The following GLT1D1 variants were observed in gnomAD, a reference collection of about 807,000 sequenced individuals.
The protein encoded by GLT1D1 is glycosyltransferase 1 domain containing 1.
A neutral mutation model predicts 28.7 loss-of-function variants in GLT1D1; 21 were observed. That is an observed-to-expected ratio of 0.73 (90% confidence interval 0.52 to 1.05). The LOEUF is 1.05. GLT1D1 is among the 50% of genes least tolerant of loss of function. The pLI, the probability that GLT1D1 is intolerant of heterozygous loss-of-function variation, is 0.00. For missense variants in GLT1D1, 343 were observed against 330.6 expected (o/e 1.04, Z -0.29); for synonymous variants, 147 against 124.8 (o/e 1.18, Z -1.19).
intron 4 of GLT1D1, chr12:128,914,963 A>G (rs1434569737): frequency 1.3e-6 from 2 of 1,535,968 alleles, no homozygotes; most frequent in East Asian, 2.4e-5. Flanking sequence ...GCCGCTTTTA[A>G]CTGGAATACC....
chr12:128,858,656 G>A (rs1183391739), intron 1 of GLT1D1, among the ~76,000 whole-genome samples: 1 of 151,086 alleles, frequency 6.6e-6, no homozygotes, highest in Non-Finnish European at 1.5e-5. Context: ...GGGCAACAGA[G>A]GGGGACTCAG....
intron 7 of GLT1D1, among the ~76,000 whole-genome samples, chr12:128,967,275 G>A (rs1370755106): frequency 3.3e-5 from 5 of 152,162 alleles, no homozygotes; most frequent in South Asian, 2.1e-4. Flanking sequence ...TTCTTCAAAC[G>A]CTAATGGCTT....
intron 7 of GLT1D1, among the ~76,000 whole-genome samples, chr12:128,967,612 G>A (rs1256178156): frequency 6.6e-6 from 1 of 152,196 alleles, no homozygotes; most frequent in Non-Finnish European, 1.5e-5. Context: ...AAGCACTTAT[G>A]TTTAAGTGCT....
chr12:128,881,748 T>C (rs1423604282), intron 2 of GLT1D1, among the ~76,000 whole-genome samples: 1 of 150,372 alleles, frequency 6.7e-6, no homozygotes, highest in African/African-American at 2.4e-5. Flanking sequence ...TACTGCTGTA[T>C]CTGACTCTTG....
chr12:128,863,213 G>T (rs1181222314), intron 1 of GLT1D1, among the ~76,000 whole-genome samples: 1 of 152,144 alleles, frequency 6.6e-6, no homozygotes, highest in Non-Finnish European at 1.5e-5. Context: ...AAAAGGGTCT[G>T]ATCGAACACC....
chr12:128,873,915 CTT>C (rs1566090454), intron 1 of GLT1D1, among the ~76,000 whole-genome samples: 2 of 110,034 alleles, frequency 1.8e-5, no homozygotes, highest in African/African-American at 3.1e-5. Flanking sequence ...TTCTTTCTCT[CTT>C]TCTTTTTCTT....
At chr12:128,888,788 T>C (rs761070145) in intron 3 of GLT1D1, 44 bp downstream of exon 3, 2 of 1,293,096 alleles carry the variant, frequency 1.5e-6, no homozygotes, top group Non-Finnish European at 2.2e-6. Flanking sequence ...ATTTAAACTG[T>C]GTGAATTGAA....
intron 4 of GLT1D1, among the ~76,000 whole-genome samples, chr12:128,938,396 G>A (rs1874779636): frequency 6.6e-6 from 1 of 152,148 alleles, no homozygotes; most frequent in Admixed American, 6.5e-5. Context: ...ATTTTCTTAT[G>A]CATCCAAATT....
In GLT1D1 at chr12:128,939,711, G is replaced by A. The variant is rs191561387; in HGVS notation, c.376-5615G>A. ...AGTGGAAGGCGAAGGGGAAGTAGGC[G>A]CGTCTTACATGTCTGGGTCAGGAGG... is the stretch of plus-strand genomic sequence containing the variant. On this transcript the variant is annotated intron_variant, in intron 4 of 7. Coordinates refer to ENST00000281703, the MANE Select transcript of GLT1D1 (RefSeq NM_144669.3). Among the ~76,000 whole-genome samples the A allele has an allele frequency of 1.4e-3, 220 of 152,200 alleles. 1 individual carries two copies. Among genetic ancestry groups the A allele is most frequent in the African/African-American group, 5.1e-3 (212 of 41,492 alleles).
chr12:128,864,215 C>T (rs767468554), intron 1 of GLT1D1: 5 of 640,110 alleles, frequency 7.8e-6, no homozygotes, highest in South Asian at 1.7e-5. Flanking sequence ...TTGCAACCCA[C>T]GGGCACTCCG....
chr12:128,980,208 C>G (rs1273480015), intron 7 of GLT1D1, among the ~76,000 whole-genome samples: 1 of 152,216 alleles, frequency 6.6e-6, no homozygotes, highest in Non-Finnish European at 1.5e-5. Context: ...CACCCACACT[C>G]ACGTCACAGG....
In GLT1D1 at chr12:128,922,741, G is replaced by A. The variant is rs532576299; in HGVS notation, c.376-22585G>A. On this transcript the variant is annotated intron_variant, in intron 4 of 7. Transcript: ENST00000281703. The stretch of plus-strand genomic sequence containing the variant: ...AGTTTGAGCCCAGCCTGGCCAACAT[G>A]GTGAAACCTCATCTGTACCAAAAAT... Among the ~76,000 whole-genome samples the A allele has an allele frequency of 5.9e-5, 9 of 152,126 alleles. No homozygotes were observed. The East Asian group carries it at 1.7e-3, about 29-fold the overall frequency.
intron 1 of GLT1D1, chr12:128,864,028 A>T: frequency 2.2e-6 from 1 of 460,906 alleles, no homozygotes; most frequent in Non-Finnish European, 3.9e-6. Context: ...GCGGGGAGAG[A>T]AGAGCACTAG....
intron 7 of GLT1D1, among the ~76,000 whole-genome samples, chr12:128,971,443 T>C (rs1879048973): frequency 1.9e-5 from 2 of 102,884 alleles, no homozygotes; most frequent in Non-Finnish European, 4.0e-5. Flanking sequence ...CCTCCCTCCC[T>C]TCCTCTCTCC....
At chr12:128,927,641 C>T (rs1014473450) in intron 4 of GLT1D1, among the ~76,000 whole-genome samples, 11 of 152,172 alleles carry the variant, frequency 7.2e-5, no homozygotes, top group African/African-American at 9.6e-5. Context: ...ATCATTACAA[C>T]GGCAATGAAT....
chr12:128,913,654 C>T (rs759466414), intron 4 of GLT1D1, among the ~76,000 whole-genome samples: 2 of 152,254 alleles, frequency 1.3e-5, no homozygotes, highest in Non-Finnish European at 2.9e-5. Flanking sequence ...GCGTTCGGGC[C>T]TCCTGAGGAC....
intron 7 of GLT1D1, among the ~76,000 whole-genome samples, chr12:128,981,255 T>G (rs957167923): frequency 7.2e-5 from 11 of 152,206 alleles, no homozygotes; most frequent in Admixed American, 2.0e-4. Flanking sequence ...GTGTGTTTTA[T>G]CACAATCTGT....
chr12:128,883,282 G>A (rs781431431), intron 2 of GLT1D1, among the ~76,000 whole-genome samples: 71 of 151,730 alleles, frequency 4.7e-4, no homozygotes, highest in Non-Finnish European at 7.8e-4. Context: ...AGATAAGGTC[G>A]GGTGGCTGAT....
At chr12:128,929,835 G>T (rs973967587) in intron 4 of GLT1D1, among the ~76,000 whole-genome samples, 26 of 152,120 alleles carry the variant, frequency 1.7e-4, no homozygotes, top group Admixed American at 1.4e-3. Context: ...AATTAGCCAG[G>T]CATGGTGGCC....
Sources: allele counts gnomAD v4.1 joint callset (sites outside exome capture counted in the v4.1 genomes callset), GRCh38; gene constraint gnomAD v4.1.1; transcripts MANE v1.5; gene names NCBI Gene and HGNC (gene_info 2026-07-23, HGNC 2026-07-21).